Variants in GANC observed in about 807,000 individuals in gnomAD.
GANC encodes the protein glucosidase alpha, neutral C.
A neutral mutation model predicts 124.2 loss-of-function variants in GANC; 117 were observed. The ratio of observed to expected loss-of-function variants is 0.94; its 90% CI spans 0.81 to 1.10. The LOEUF (loss-of-function observed/expected upper bound fraction) is 1.10, where lower values mean the gene tolerates loss of function less well. GANC is among the 50% of genes least tolerant of loss of function. The probability of loss-of-function intolerance (pLI) is 0.00; values close to 1 mark genes in which losing one functional copy is unlikely to be tolerated. For missense variants in GANC, 1,140 were observed against 1,095.0 expected, an observed-to-expected ratio of 1.04 and a Z score of -0.58; for synonymous variants, 377 against 376.8, an observed-to-expected ratio of 1.00 and a Z score of -0.01.
intron 15 of GANC, among the ~76,000 whole-genome samples, chr15:42,337,932 A>G (rs1385258834): frequency 2.0e-5 from 3 of 152,038 alleles, no homozygotes; most frequent in Non-Finnish European, 4.4e-5. Context: ...GTGATGGTGC[A>G]CACTTGTAAT....
chr15:42,321,357 G>T (rs2052154987), intron 10 of GANC, among the ~76,000 whole-genome samples: 1 of 152,102 alleles, frequency 6.6e-6, no homozygotes, highest in Admixed American at 6.5e-5. Context: ...TTTTCTGTAA[G>T]CCTGTCATGT....
rs141234617 is a variant in GANC, at chr15:42,281,161, G to T, written c.201+2571G>T. ...ATTAGAAATATCAGAACCACATAGG[G>T]AATCTGCATGCCCTGATCTCAGGCA... On this transcript the variant is annotated intron_variant, in intron 3 of 23. Transcript: ENST00000318010. 2,523 of 700,074 alleles carry T rather than the reference G, an allele frequency of 3.6e-3. 35 individuals are homozygous for T. The highest frequency in any genetic ancestry group is 0.035 in the African/African-American group (2,015 of 57,126). 43.4% of individuals were successfully genotyped at this position (700,074 alleles called of 1,614,324 possible). A position where few individuals can be genotyped will look rare whatever the true frequency, so the allele number is the denominator to read the frequency against.
At position 42,283,700 on chromosome 15, in the gene GANC, C is replaced by T. The variant is rs2412687; in HGVS notation, c.202-3991C>T. On this transcript the variant is annotated intron_variant, in intron 3 of 23. Coordinates refer to ENST00000318010, the MANE Select transcript of GANC (RefSeq NM_198141.3). Reference sequence around the variant, plus strand: ...TCTGAGCACCTCTGTGAAGTTACCCCTTGCCTCTTCATCTAAGCCTAATGA... The same window carrying T: ...TCTGAGCACCTCTGTGAAGTTACCCTTTGCCTCTTCATCTAAGCCTAATGA... The T allele has an allele frequency of 1.3e-3, 924 of 702,590 alleles. 16 individuals are homozygous for T. The Admixed American group carries it at 0.017, about 13-fold the overall frequency. The allele number at this position is 702,590 out of a possible 1,614,324, so 43.5% of individuals were successfully genotyped here. A position where few individuals can be genotyped will look rare whatever the true frequency, so the allele number is the denominator to read the frequency against.
intron 4 of GANC, among the ~76,000 whole-genome samples, chr15:42,291,650 A>G (rs1312518354): frequency 6.6e-6 from 1 of 152,174 alleles, no homozygotes; most frequent in Non-Finnish European, 1.5e-5. Context: ...CAGTGGAGAT[A>G]ATGAGACTCC....
chr15:42,320,773 C>T (rs2052149755), intron 10 of GANC, among the ~76,000 whole-genome samples: 1 of 151,936 alleles, frequency 6.6e-6, no homozygotes, highest in Non-Finnish European at 1.5e-5. Context: ...TGGTGAGGCT[C>T]TGTGTGCCTA....
chr15:42,350,074 A>T (rs1246896462), intron 22 of GANC, among the ~76,000 whole-genome samples: 3 of 105,794 alleles, frequency 2.8e-5, no homozygotes, highest in Non-Finnish European at 5.3e-5. Context: ...CTTATTGCCC[A>T]GGCTGGAGTG....
chr15:42,286,963 G>A (rs1436859512), intron 3 of GANC, among the ~76,000 whole-genome samples: 1 of 152,192 alleles, frequency 6.6e-6, no homozygotes, highest in African/African-American at 2.4e-5. Context: ...TTTTCTAGGT[G>A]CTCATTTTGT....
chr15:42,326,325 A>G lies in GANC; in HGVS notation c.1321A>G (p.Lys441Glu). 1 of 1,613,978 alleles carries G rather than the reference A, an allele frequency of 6.2e-7. No individual in the cohort carries two copies. The highest frequency in any genetic ancestry group is 1.3e-5 in the African/African-American group (1 of 75,042). ...TGTGGTCATCAGTGATCCCCACATC[A>G]AGATTGATCCTGACTACTCAGTATA... The part of the protein sequence containing the change: ...KLVVISDPHI[K>E]IDPDYSVYVK... The change falls in exon 12 of 24, where the codon AAG (lysine) becomes GAG (glutamate). Residue 441 changes from lysine (K) to glutamate (E), a missense_variant. Transcript: ENST00000318010.
intron 10 of GANC, among the ~76,000 whole-genome samples, chr15:42,317,122 G>GAT (rs2052113585): frequency 6.6e-6 from 1 of 152,090 alleles, no homozygotes; most frequent in African/African-American, 2.4e-5. Context: ...CGGCACCTGG[G>GAT]TAATCCTTCG....
At chr15:42,333,504 A>T (rs1289979931) in intron 15 of GANC, among the ~76,000 whole-genome samples, 1 of 152,216 alleles carries the variant, frequency 6.6e-6, no homozygotes, top group African/African-American at 2.4e-5. Flanking sequence ...TTGGTGGTAT[A>T]TAATCTCTCA....
chr15:42,285,170 T>C (rs868105929), intron 3 of GANC, among the ~76,000 whole-genome samples: 1 of 152,212 alleles, frequency 6.6e-6, no homozygotes, highest in Non-Finnish European at 1.5e-5. Context: ...CCAAACTTTT[T>C]GAAAGAGCAA....
rs144463954 is a variant in GANC at position 42,274,125 on chromosome 15, C to T, written c.-357C>T. The T allele has an allele frequency of 3.9e-6, 1 of 253,434 alleles. No individual in the cohort carries two copies. Among genetic ancestry groups the T allele is most frequent in the East Asian group, 1.4e-4 (1 of 6,920 alleles). 15.7% of individuals were successfully genotyped at this position (253,434 alleles called of 1,614,324 possible). ...TTCGTCCCAGTCAGGGAGGCCGTCT[C>T]GGCATTTCCAGGTTCTTAACGCTCT... On this transcript the variant is annotated 5_prime_UTR_variant, in exon 1 of 24. Transcript: ENST00000318010.
intron 8 of GANC, among the ~76,000 whole-genome samples, chr15:42,308,652 T>G (rs1034472456): frequency 6.6e-6 from 1 of 152,048 alleles, no homozygotes; most frequent in African/African-American, 2.4e-5. Flanking sequence ...CCTGGCTAAT[T>G]TATTTTGTAT....
chr15:42,280,808 A>G, intron 3 of GANC: 1 of 618,888 alleles, frequency 1.6e-6, no homozygotes, highest in South Asian at 1.9e-5. Flanking sequence ...AAAATTCTCA[A>G]CACAGCGTGA....
chr15:42,351,152 G>T (rs188911225), intron 22 of GANC, among the ~76,000 whole-genome samples, 177 bp from the exon 23 acceptor site: 2 of 151,996 alleles, frequency 1.3e-5, no homozygotes, highest in South Asian at 2.1e-4. Context: ...GATTACAGGC[G>T]TGAGCCACCG....
Position 42,273,827 on chromosome 15 carries a change from G to A in GANC, c.-655G>A, listed in dbSNP as rs2051619072. ...AGCCTGGCTGCCCAAGTGGCGTCTAGTAGTGAGTTCTCCGGTTTGGGTGGT... is the reference window on the plus strand; with the variant it reads ...AGCCTGGCTGCCCAAGTGGCGTCTAATAGTGAGTTCTCCGGTTTGGGTGGT... On this transcript the variant is annotated 5_prime_UTR_variant, in exon 1 of 24. Coordinates refer to ENST00000318010, the MANE Select transcript of GANC (RefSeq NM_198141.3). The A allele has an allele frequency of 4.7e-6, 1 of 213,338 alleles. No homozygotes were observed. The highest frequency in any genetic ancestry group is 2.3e-5 in the African/African-American group (1 of 43,792). The allele number at this position is 213,338 out of a possible 1,614,324, so 13.2% of individuals were successfully genotyped here. A position where few individuals can be genotyped will look rare whatever the true frequency, so the allele number is the denominator to read the frequency against.
At chr15:42,327,559 A>G in intron 13 of GANC, 117 bp downstream of exon 13, 2 of 856,024 alleles carry the variant, frequency 2.3e-6, no homozygotes, top group South Asian at 1.7e-5. Flanking sequence ...TAATGCTTTT[A>G]TTAAAAGGCA....
rs150469926 is a variant in GANC at position 42,330,674 on chromosome 15, T to G, written c.1741+2T>G. ...TCTTTGCTGGATCACAAAAGTATGG[T>G]AAGGAATGGCTCATATCAGACTTAA... On this transcript the variant is annotated splice_donor_variant, in intron 15 of 23. Transcript: ENST00000318010. LOFTEE classifies it high-confidence loss of function. 3.1e-6 allele frequency: 5 copies of G among 1,599,858 alleles called. No individual in the cohort carries two copies. In the African/African-American group the frequency reaches 6.8e-5, roughly 22 times the overall value.
intron 10 of GANC, among the ~76,000 whole-genome samples, chr15:42,317,478 G>A (rs916252514): frequency 6.6e-6 from 1 of 152,088 alleles, no homozygotes; most frequent in Non-Finnish European, 1.5e-5. Flanking sequence ...TAGTGGTAAT[G>A]CTTGTACTAC....
Sources: gnomAD v4.1 joint callset for allele counts (sites outside exome capture counted in the v4.1 genomes callset) on GRCh38, gnomAD v4.1.1 for gene constraint, MANE v1.5 for transcripts, NCBI Gene and HGNC (gene_info 2026-07-23, HGNC 2026-07-21) for gene names.